The following ATXN3 variants were observed in gnomAD, a reference collection of about 807,000 sequenced individuals.
The protein encoded by ATXN3 is ataxin-3.
ATXN3 carries 28 observed loss-of-function variants against 58.2 expected under a neutral mutation model. That is an observed-to-expected ratio of 0.48 (90% CI 0.36 to 0.66). The LOEUF is 0.66. Ranked by LOEUF, ATXN3 falls within the 30% of genes least tolerant of loss-of-function variation. The pLI is 0.00. For missense variants in ATXN3, 321 were observed against 422.1 expected (o/e 0.76, Z 2.10); for synonymous variants, 113 against 138.5 (o/e 0.82, Z 1.29).
rs2057594073 is a variant in ATXN3, at chr14:92,059,462, C to T, written c.*4858G>A. ...GATTAGTTGATCCAATCTGGTAGTT[C>T]TTAATTAGGGTCACATATATATCCA... On this transcript the variant is annotated 3_prime_UTR_variant, in exon 11 of 11. Transcript: ENST00000644486. 6.6e-6 allele frequency: 1 copy of T among 152,070 alleles called. No individual in the cohort carries two copies. The highest frequency in any genetic ancestry group is 1.5e-5 in the Non-Finnish European group (1 of 68,018). The allele number at this position is 152,070 out of a possible 1,614,324, so 9.4% of individuals were successfully genotyped here.
chr14:92,094,632 T>C (rs2064739848), intron 3 of ATXN3, among the ~76,000 whole-genome samples: 1 of 152,226 alleles, frequency 6.6e-6, no homozygotes, highest in African/African-American at 2.4e-5. Context: ...AACCTGTTTA[T>C]TTCAATCTGT....
At chr14:92,085,012 G>C (rs973907218) in intron 6 of ATXN3, among the ~76,000 whole-genome samples, 1 of 152,148 alleles carries the variant, frequency 6.6e-6, no homozygotes, top group African/African-American at 2.4e-5. Context: ...GAGGACAACT[G>C]TATTCAGAGT....
chr14:92,071,375 G>C (rs2059419041), intron 9 of ATXN3: 2 of 424,296 alleles, frequency 4.7e-6, no homozygotes, highest in Non-Finnish European at 8.9e-6. Context: ...GCGGGTGGAT[G>C]GCTTGAGGTC....
chr14:92,085,397 A>C (rs1393623417), intron 6 of ATXN3, among the ~76,000 whole-genome samples: 1 of 151,932 alleles, frequency 6.6e-6, no homozygotes, highest in Non-Finnish European at 1.5e-5. Flanking sequence ...CATGTTGGCC[A>C]GGCTGGTCTC....
intron 2 of ATXN3, 121 bp from the exon 3 acceptor site, chr14:92,096,258 A>G: frequency 6.3e-7 from 1 of 1,587,522 alleles, no homozygotes; most frequent in Non-Finnish European, 8.6e-7. Flanking sequence ...AGTTAACAGC[A>G]CAGTTATAAT....
chr14:92,062,892 G>A lies in ATXN3; in HGVS notation c.*1428C>T, dbSNP rs1177089948. On this transcript the variant is annotated 3_prime_UTR_variant, in exon 11 of 11. Transcript: ENST00000644486. ...ATACCATATTATAATTTTCGAAGTT[G>A]TCAGCTGAAATTTCTTGGATTTTAG... 6.6e-6 allele frequency: 1 copy of A among 152,564 alleles called. No homozygotes were observed. The highest frequency in any genetic ancestry group is 1.5e-5 in the Non-Finnish European group (1 of 68,038). The allele number at this position is 152,564 out of a possible 1,614,324, so 9.5% of individuals were successfully genotyped here.
chr14:92,106,570 CA>C lies in ATXN3; in HGVS notation c.-19del. Reference sequence around the variant, plus strand: ...GACTCCATGTTTATTTGTCTGGAGCCAACGGCCCCCACGCCGAACCACCCCC... The same window carrying C: ...GACTCCATGTTTATTTGTCTGGAGCCACGGCCCCCACGCCGAACCACCCCC... On this transcript the variant is annotated 5_prime_UTR_variant, in exon 1 of 11. Coordinates refer to ENST00000644486, the MANE Select transcript of ATXN3 (RefSeq NM_004993.6). 1 of 1,612,720 alleles carries C rather than the reference CA, an allele frequency of 6.2e-7. No homozygotes were observed. The highest frequency in any genetic ancestry group is 1.1e-5 in the South Asian group (1 of 91,028).
At chr14:92,058,490 C>A (rs181630218), downstream of ATXN3, 1 of 152,152 alleles carries the variant, frequency 6.6e-6, no homozygotes, top group Admixed American at 6.6e-5. Flanking sequence ...AGCCACCAAG[C>A]CCAGCTCTAA....
At chr14:92,074,142 C>T (rs541614407) in intron 9 of ATXN3, among the ~76,000 whole-genome samples, 108 of 151,526 alleles carry the variant, frequency 7.1e-4, no homozygotes, top group South Asian at 4.4e-3. Context: ...GCCTGGCCAA[C>T]GTGGCAAAAC....
At chr14:92,087,849 G>C (rs2062932138) in intron 6 of ATXN3, among the ~76,000 whole-genome samples, 1 of 152,214 alleles carries the variant, frequency 6.6e-6, no homozygotes, top group Non-Finnish European at 1.5e-5. Flanking sequence ...CAGTGGTTAT[G>C]ATTACTGGTA....
At chr14:92,053,304 G>A (rs1031375723), upstream of ATXN3, among the ~76,000 whole-genome samples, 6 of 133,530 alleles carry the variant, frequency 4.5e-5, no homozygotes, top group African/African-American at 1.8e-4. Context: ...CATTATCTCA[G>A]GACCTGTAGG....
intron 1 of ATXN3, among the ~76,000 whole-genome samples, chr14:92,105,568 C>T (rs1456437714): frequency 6.6e-6 from 1 of 152,144 alleles, no homozygotes; most frequent in Non-Finnish European, 1.5e-5. Flanking sequence ...ACCCTTTGCT[C>T]CTCCTATTAA....
intron 6 of ATXN3, among the ~76,000 whole-genome samples, chr14:92,088,176 C>T (rs948587670): frequency 6.6e-6 from 1 of 151,978 alleles, no homozygotes; most frequent in Non-Finnish European, 1.5e-5. Context: ...TCACGCCATT[C>T]TCCTGCCTCA....
downstream of ATXN3, among the ~76,000 whole-genome samples, chr14:92,054,088 A>C (rs1355810764): frequency 6.6e-6 from 1 of 151,986 alleles, no homozygotes; most frequent in Non-Finnish European, 1.5e-5. Flanking sequence ...GCGCACACCA[A>C]CCACGCCTGG....
chr14:92,093,071 T>A (rs574496613), intron 5 of ATXN3, among the ~76,000 whole-genome samples, 181 bp downstream of exon 5: 4 of 148,664 alleles, frequency 2.7e-5, no homozygotes, highest in African/African-American at 5.1e-5. Context: ...ATTTTTATTT[T>A]TTTTTTAAGA....
chr14:92,096,299 C>G (rs933183819), intron 2 of ATXN3, 162 bp from the exon 3 acceptor site: 1 of 1,499,700 alleles, frequency 6.7e-7, no homozygotes, highest in African/African-American at 1.4e-5. Flanking sequence ...GGAAGAATGG[C>G]CCATCCTTTT....
In ATXN3 at chr14:92,078,359, T is replaced by TATTTATTC. The variant is rs535894743; in HGVS notation, c.872+2605_872+2606insGAATAAAT. On this transcript the variant is annotated intron_variant, in intron 9 of 10. Transcript: ENST00000644486. ...TAAGTAGATTTAAGTTATTTTTTATTATTTATTTATTTATTTATTTGAGAT... is the reference window on the plus strand; with the variant it reads ...TAAGTAGATTTAAGTTATTTTTTATTATTTATTCATTTATTTATTTATTTATTTGAGAT... Among the ~76,000 whole-genome samples the TATTTATTC allele has an allele frequency of 6.4e-3, 971 of 151,798 alleles. 13 individuals are homozygous for TATTTATTC. Among genetic ancestry groups the TATTTATTC allele is most frequent in the African/African-American group, 0.022 (897 of 41,458 alleles).
chr14:92,092,498 A>G (rs1453396783), intron 5 of ATXN3, among the ~76,000 whole-genome samples: 1 of 152,264 alleles, frequency 6.6e-6, no homozygotes, highest in African/African-American at 2.4e-5. Context: ...ATAATCTTAC[A>G]CTAAAGCAAA....
chr14:92,100,056 T>TTA, intron 1 of ATXN3, among the ~76,000 whole-genome samples: 1 of 152,330 alleles, frequency 6.6e-6, no homozygotes, highest in African/African-American at 2.4e-5. Context: ...CTCAACTTTA[T>TTA]TAGTCATCAG....
Sources: gnomAD v4.1 joint callset for allele counts (sites outside exome capture counted in the v4.1 genomes callset) on GRCh38, gnomAD v4.1.1 for gene constraint, MANE v1.5 for transcripts, NCBI Gene and HGNC (gene_info 2026-07-23, HGNC 2026-07-21) for gene names.